Variants in BRWD1 observed in about 807,000 individuals in gnomAD.
The protein encoded by BRWD1 is bromodomain and WD repeat domain containing 1, also known as bromodomain and WD repeat-containing protein 1.
Under a neutral mutation model 251.2 loss-of-function variants are expected in BRWD1, and 82 were observed. The observed-to-expected ratio is 0.33, with a 90% CI of 0.27 to 0.39. BRWD1 has a LOEUF of 0.39. Among genes scored for constraint, BRWD1 ranks in the 10% least tolerant of loss-of-function variants. BRWD1 has a pLI of 1.00. For synonymous variants in BRWD1, 918 were observed against 902.8 expected, an observed-to-expected ratio of 1.02 and a Z score of -0.30; for missense variants, 2,233 against 2,711.6, an observed-to-expected ratio of 0.82 and a Z score of 3.92.
chr21:39,189,465 A>G lies in BRWD1; in HGVS notation c.*6794T>C. 1 of 975,062 alleles carries G rather than the reference A, an allele frequency of 1.0e-6. No individual in the cohort carries two copies. Among genetic ancestry groups the G allele is most frequent in the Non-Finnish European group, 1.2e-6 (1 of 820,580 alleles). The allele number at this position is 975,062 out of a possible 1,614,324, so 60.4% of individuals were successfully genotyped here. On this transcript the variant is annotated 3_prime_UTR_variant, in exon 41 of 41. Coordinates refer to ENST00000342449, the MANE Select transcript of BRWD1 (RefSeq NM_033656.4). ...TTTATTTGTCATCCAGAATAATGGA[A>G]AAGTTAAGATTCTGCAGGAAAAAAA... is the stretch of plus-strand genomic sequence containing the variant.
intron 5 of BRWD1, chr21:39,297,797 C>A: frequency 2.4e-6 from 2 of 829,928 alleles, no homozygotes; most frequent in South Asian, 1.1e-4. Context: ...ATCAGAAGAA[C>A]CAACAATCTT....
intron 29 of BRWD1, among the ~76,000 whole-genome samples, chr21:39,222,404 G>C (rs1250270576): frequency 1.3e-5 from 2 of 152,178 alleles, no homozygotes; most frequent in African/African-American, 4.8e-5. Flanking sequence ...CATGGCCCCT[G>C]AAAAACTGCC....
chr21:39,264,513 C>T lies in BRWD1; in HGVS notation c.1832G>A (p.Arg611Gln), dbSNP rs776605483. 7 of 1,610,734 alleles carry T rather than the reference C, an allele frequency of 4.3e-6. No homozygotes were observed. The highest frequency in any genetic ancestry group is 2.2e-5 in the East Asian group (1 of 44,680). Residue 611 changes from arginine to glutamine, a missense_variant, in exon 17 of 41, where the codon CGA (arginine) becomes CAA (glutamine). Physicochemically the swap from Arg to Gln is conservative, Grantham distance 43. Transcript: ENST00000342449. The part of the protein sequence containing the change: ...PTKYQRLVPG[R>Q]ENSADEHLIP... Reference sequence around the variant, plus strand: ...CAAATGTTCATCTGCAGAATTTTCTCGGCCTGGTACTAATCTCTGATACTT... The same window carrying T: ...CAAATGTTCATCTGCAGAATTTTCTTGGCCTGGTACTAATCTCTGATACTT...
chr21:39,191,472 G>A lies in BRWD1; in HGVS notation c.*4787C>T. ...ATTTATTATATCCCATTTAAGAACTGACAAAAATCATCTAAATGAATAGAT... is the reference window on the plus strand; with the variant it reads ...ATTTATTATATCCCATTTAAGAACTAACAAAAATCATCTAAATGAATAGAT... On this transcript the variant is annotated 3_prime_UTR_variant, in exon 41 of 41. Coordinates refer to ENST00000342449, the MANE Select transcript of BRWD1 (RefSeq NM_033656.4). 1 of 980,568 alleles carries A rather than the reference G, an allele frequency of 1.0e-6. No homozygotes were observed. The highest frequency in any genetic ancestry group is 1.2e-6 in the Non-Finnish European group (1 of 825,658). 60.7% of individuals were successfully genotyped at this position (980,568 alleles called of 1,614,324 possible).
In BRWD1 at chr21:39,190,304, A is replaced by G; in HGVS notation, c.*5955T>C. ...TCATCATACAAAACTGTTTTCCTAA[A>G]TTCAAAGTAAACTGCATATGGTTAC... On this transcript the variant is annotated 3_prime_UTR_variant, in exon 41 of 41. Coordinates refer to ENST00000342449, the MANE Select transcript of BRWD1 (RefSeq NM_033656.4). 2.0e-6 allele frequency: 2 copies of G among 985,030 alleles called. No individual in the cohort carries two copies. Among genetic ancestry groups the G allele is most frequent in the Non-Finnish European group, 2.4e-6 (2 of 829,622 alleles). The allele number at this position is 985,030 out of a possible 1,614,324, so 61.0% of individuals were successfully genotyped here. A position where few individuals can be genotyped will look rare whatever the true frequency, so the allele number is the denominator to read the frequency against.
Position 39,199,359 on chromosome 21 carries a change from G to A in BRWD1, c.5057C>T (p.Ser1686Leu). The change falls in exon 40 of 41, where the codon TCA (serine) becomes TTA (leucine). Residue 1686 changes from serine (S) to leucine (L), a missense_variant. Coordinates refer to ENST00000342449, the MANE Select transcript of BRWD1 (RefSeq NM_033656.4). ...HNSEDEQSLK[S>L]EIEEEELKDE... ...TTTTAGCTCCTCTTCTTCAATTTCT[G>A]ACTTTAAGCTCTGTTCATCTTCAGA... The A allele has an allele frequency of 1.2e-6, 2 of 1,614,126 alleles. No individual in the cohort carries two copies. Among genetic ancestry groups the A allele is most frequent in the Non-Finnish European group, 1.7e-6 (2 of 1,180,024 alleles).
chr21:39,314,853 T>G (rs2036666130), upstream of BRWD1: 1 of 157,818 alleles, frequency 6.3e-6, no homozygotes, highest in East Asian at 1.9e-4. Flanking sequence ...TGGGTCTCAG[T>G]GTTCCTTACT....
chr21:39,193,892 A>G lies in BRWD1; in HGVS notation c.*2367T>C, dbSNP rs1450500204. On this transcript the variant is annotated 3_prime_UTR_variant, in exon 41 of 41. Coordinates refer to ENST00000342449, the MANE Select transcript of BRWD1 (RefSeq NM_033656.4). ...GTACTTAGGAGTGTGTGTGTCACATATTCAAAGTTAACCTTAGGAATAGCA... is the reference window on the plus strand; with the variant it reads ...GTACTTAGGAGTGTGTGTGTCACATGTTCAAAGTTAACCTTAGGAATAGCA... 1 of 985,382 alleles carries G rather than the reference A, an allele frequency of 1.0e-6. No homozygotes were observed. The highest frequency in any genetic ancestry group is 1.2e-6 in the Non-Finnish European group (1 of 829,682). 61.0% of individuals were successfully genotyped at this position (985,382 alleles called of 1,614,324 possible). A position where few individuals can be genotyped will look rare whatever the true frequency, so the allele number is the denominator to read the frequency against.
At position 39,189,411 on chromosome 21, in the gene BRWD1, A is replaced by G. The variant is rs1009540601; in HGVS notation, c.*6848T>C. 3.1e-6 allele frequency: 3 copies of G among 971,476 alleles called. No homozygotes were observed. The African/African-American group carries it at 5.3e-5, about 17-fold the overall frequency. 60.2% of individuals were successfully genotyped at this position (971,476 alleles called of 1,614,324 possible). A position where few individuals can be genotyped will look rare whatever the true frequency, so the allele number is the denominator to read the frequency against. ...TACTGACAATTTAGGAACCTAGTAAATACTAATTCTAACACATTTTAATAA... is the reference window on the plus strand; with the variant it reads ...TACTGACAATTTAGGAACCTAGTAAGTACTAATTCTAACACATTTTAATAA... On this transcript the variant is annotated 3_prime_UTR_variant, in exon 41 of 41. Coordinates refer to ENST00000342449, the MANE Select transcript of BRWD1 (RefSeq NM_033656.4).
chr21:39,229,286 A>G (rs1568891175), intron 26 of BRWD1, 26 bp downstream of exon 26: 2 of 1,546,556 alleles, frequency 1.3e-6, no homozygotes, highest in African/African-American at 1.4e-5. Flanking sequence ...AATTTAAGTA[A>G]TTCCATTTTA....
intron 23 of BRWD1, 90 bp downstream of exon 23, chr21:39,236,505 G>A: frequency 8.5e-7 from 1 of 1,182,630 alleles, no homozygotes. Flanking sequence ...CACTATGCCA[G>A]TATCACGAGA....
At chr21:39,261,402 A>G (rs2034740355) in intron 17 of BRWD1, among the ~76,000 whole-genome samples, 1 of 152,218 alleles carries the variant, frequency 6.6e-6, no homozygotes, top group Admixed American at 6.5e-5. Context: ...GTACACTTCC[A>G]GTTTTAATAC....
Position 39,238,589 on chromosome 21 carries a change from G to C in BRWD1, c.2482-16C>G. 6.3e-7 allele frequency: 1 copy of C among 1,584,630 alleles called. No homozygotes were observed. The highest frequency in any genetic ancestry group is 8.7e-7 in the Non-Finnish European group (1 of 1,155,258). Reference sequence around the variant, plus strand: ...AGGAAGTCTCCTAATTTGTGAAGGGGGGAAAAAAATCTTGATCCCTGAAGT... The same window carrying C: ...AGGAAGTCTCCTAATTTGTGAAGGGCGGAAAAAAATCTTGATCCCTGAAGT... On this transcript the variant is annotated splice_polypyrimidine_tract_variant and intron_variant, in intron 21 of 40. Coordinates refer to ENST00000342449, the MANE Select transcript of BRWD1 (RefSeq NM_033656.4).
At position 39,301,465 on chromosome 21, in the gene BRWD1, T is replaced by C. The variant is rs2036110949; in HGVS notation, c.199-2883A>G. The stretch of plus-strand genomic sequence containing the variant: ...GAACTGAGAGTGGCCAATAGTCAGG[T>C]AGAAACTGAGGCCCTCAGTCAAACA... On this transcript the variant is annotated intron_variant, in intron 4 of 40. Transcript: ENST00000342449. Among the ~76,000 whole-genome samples the C allele has an allele frequency of 2.2e-5, 3 of 137,350 alleles. No individual in the cohort carries two copies. The South Asian group carries it at 6.6e-4, about 30-fold the overall frequency. 90.1% of individuals were successfully genotyped at this position (137,350 alleles called of 152,430 possible). A position where few individuals can be genotyped will look rare whatever the true frequency, so the allele number is the denominator to read the frequency against.
intron 21 of BRWD1, among the ~76,000 whole-genome samples, chr21:39,238,994 G>A (rs11909713): frequency 0.015 from 2,318 of 152,222 alleles, 58 homozygotes; most frequent in African/African-American, 0.053. Flanking sequence ...CTTCTTTGGT[G>A]AGGTGTCTGT....
At chr21:39,305,940 G>A (rs1445793276) in intron 4 of BRWD1, among the ~76,000 whole-genome samples, 3 of 151,750 alleles carry the variant, frequency 2.0e-5, no homozygotes, top group African/African-American at 7.3e-5. Flanking sequence ...ACACTGAATC[G>A]GGAGGATCAC....
intron 22 of BRWD1, among the ~76,000 whole-genome samples, chr21:39,238,118 G>C (rs2033873743): frequency 6.6e-6 from 1 of 152,008 alleles, no homozygotes; most frequent in Non-Finnish European, 1.5e-5. Context: ...TTTGGACCCA[G>C]GAAATCTGGA....
intron 8 of BRWD1, among the ~76,000 whole-genome samples, chr21:39,286,541 G>A (rs1431294663): frequency 6.9e-6 from 1 of 145,348 alleles, no homozygotes; most frequent in East Asian, 2.0e-4. Context: ...TTGAGACAGA[G>A]TCTCACACTG....
At chr21:39,279,508 G>A (rs1344803111) in intron 9 of BRWD1, among the ~76,000 whole-genome samples, 8 of 151,086 alleles carry the variant, frequency 5.3e-5, no homozygotes, top group East Asian at 1.9e-4. Context: ...ACGTGGTGGC[G>A]GGCACCTGTA....
Sources: gnomAD v4.1 joint callset for allele counts (sites outside exome capture counted in the v4.1 genomes callset) on GRCh38, gnomAD v4.1.1 for gene constraint, MANE v1.5 for transcripts, NCBI Gene and HGNC (gene_info 2026-07-23, HGNC 2026-07-21) for gene names.